Variants in KLRD1 observed in about 807,000 individuals in gnomAD.
The protein encoded by KLRD1 is killer cell lectin like receptor D1.
A neutral mutation model predicts 22.6 loss-of-function variants in KLRD1; 21 were observed. The ratio of observed to expected loss-of-function variants is 0.93; its 90% CI spans 0.66 to 1.34. KLRD1 has a LOEUF of 1.34. KLRD1 is among the 40% of genes most tolerant of loss of function. The pLI, the probability that KLRD1 is intolerant of heterozygous loss-of-function variation, is 0.00. For missense variants in KLRD1, 183 were observed against 208.6 expected, an observed-to-expected ratio of 0.88 and a Z score of 0.76; for synonymous variants, 59 against 71.1, an observed-to-expected ratio of 0.83 and a Z score of 0.85.
chr12:10,242,071 G>GTTTTTTTTTTTTTTTT (rs72326980), intron 1 of KLRD1, among the ~76,000 whole-genome samples: 2 of 99,392 alleles, frequency 2.0e-5, no homozygotes, highest in Non-Finnish European at 3.7e-5. Flanking sequence ...TGTTCTTGCT[G>GTTTTTTTTTTTTTTTT]TTTTTTTTTT....
chr12:10,309,772 G>A (rs1343095477), intron 3 of KLRD1, 84 bp downstream of exon 3: 25 of 916,842 alleles, frequency 2.7e-5, no homozygotes, highest in Non-Finnish European at 4.3e-5. Context: ...AGGCATGATG[G>A]AATATTATAC....
At chr12:10,252,370 G>A (rs1428535793) in intron 1 of KLRD1, among the ~76,000 whole-genome samples, 1 of 152,062 alleles carries the variant, frequency 6.6e-6, no homozygotes, top group Non-Finnish European at 1.5e-5. Flanking sequence ...TGGGCGTGGC[G>A]ATGTGCACCT....
intron 1 of KLRD1, among the ~76,000 whole-genome samples, chr12:10,263,248 A>C (rs7962426): frequency 0.8 from 121,934 of 151,944 alleles, 53,507 homozygotes; most frequent in Non-Finnish European, 0.98. Context: ...ATAATGGTAC[A>C]CTTTCAATCA....
At chr12:10,275,502 C>G (rs2137648587) in intron 1 of KLRD1, among the ~76,000 whole-genome samples, 1 of 152,250 alleles carries the variant, frequency 6.6e-6, no homozygotes, top group South Asian at 2.1e-4. Context: ...ATGTCTGGCT[C>G]CAGAGATACT....
At chr12:10,286,311 T>C (rs1949702200) in intron 1 of KLRD1, among the ~76,000 whole-genome samples, 1 of 152,192 alleles carries the variant, frequency 6.6e-6, no homozygotes, top group African/African-American at 2.4e-5. Context: ...AATGAATAGC[T>C]TATGTCCTAT....
intron 5 of KLRD1, 50 bp downstream of exon 5, chr12:10,313,563 T>C: frequency 9.7e-7 from 1 of 1,034,024 alleles, no homozygotes; most frequent in Non-Finnish European, 1.5e-6. Context: ...AATTTGTCCT[T>C]AAATGTGACT....
Position 10,314,882 on chromosome 12 carries a change from A to G in KLRD1, c.*89A>G. The G allele has an allele frequency of 9.9e-6, 12 of 1,208,196 alleles. No individual in the cohort carries two copies. Among genetic ancestry groups the G allele is most frequent in the Non-Finnish European group, 1.3e-5 (11 of 867,290 alleles). The allele number at this position is 1,208,196 out of a possible 1,614,324, so 74.8% of individuals were successfully genotyped here. A position where few individuals can be genotyped will look rare whatever the true frequency, so the allele number is the denominator to read the frequency against. ...CATGTTATATTATTACTAATTGTCT[A>G]CTTCTGGAGTCTATAAAATGTTTTT... is the stretch of plus-strand genomic sequence containing the variant. On this transcript the variant is annotated 3_prime_UTR_variant, in exon 6 of 6. Transcript: ENST00000336164.
chr12:10,247,914 T>C (rs1949307367), intron 1 of KLRD1, among the ~76,000 whole-genome samples: 1 of 152,198 alleles, frequency 6.6e-6, no homozygotes, highest in African/African-American at 2.4e-5. Flanking sequence ...CTCTTTCCTT[T>C]ACAAATTACC....
upstream of KLRD1, among the ~76,000 whole-genome samples, chr12:10,299,447 A>T (rs1949849253): frequency 6.6e-6 from 1 of 152,194 alleles, no homozygotes; most frequent in African/African-American, 2.4e-5. Flanking sequence ...AGTCACACAA[A>T]TGTTTTGGTT....
chr12:10,280,602 A>G (rs1015506134), intron 1 of KLRD1, among the ~76,000 whole-genome samples: 1 of 152,124 alleles, frequency 6.6e-6, no homozygotes, highest in African/African-American at 2.4e-5. Context: ...GGACCTGAAA[A>G]TGAGGAAGGA....
intron 1 of KLRD1, among the ~76,000 whole-genome samples, chr12:10,241,178 A>C (rs1371885825): frequency 6.6e-6 from 1 of 152,154 alleles, no homozygotes; most frequent in Non-Finnish European, 1.5e-5. Context: ...AAAACGTTGA[A>C]AGTTTAATTC....
intron 1 of KLRD1, among the ~76,000 whole-genome samples, chr12:10,243,913 G>A (rs760905112): frequency 2.6e-4 from 40 of 152,230 alleles, no homozygotes; most frequent in Non-Finnish European, 4.1e-4. Flanking sequence ...ATAAATTGCT[G>A]CAGGTATGCG....
At position 10,326,100 on chromosome 12, in the gene KLRD1, G is replaced by A. The variant is rs922983323; in HGVS notation, c.*11307G>A. On this transcript the variant is annotated 3_prime_UTR_variant, in exon 6 of 6. Coordinates refer to ENST00000336164, the MANE Select transcript of KLRD1 (RefSeq NM_002262.5). ...TCATATGCCCATTGACCCTTTGTAT[G>A]TTTTTTATGAAGAAATGACCATTCA... is the stretch of plus-strand genomic sequence containing the variant. 4.6e-5 allele frequency: 7 copies of A among 151,948 alleles called. No individual in the cohort carries two copies. The highest frequency in any genetic ancestry group is 3.3e-4 in the Admixed American group (5 of 15,244). 9.4% of individuals were successfully genotyped at this position (151,948 alleles called of 1,614,324 possible). A position where few individuals can be genotyped will look rare whatever the true frequency, so the allele number is the denominator to read the frequency against.
intron 4 of KLRD1, 119 bp from the exon 5 acceptor site, chr12:10,313,286 AATAAT>A (rs1440240923): frequency 1.9e-6 from 1 of 522,258 alleles, no homozygotes; most frequent in African/African-American, 1.9e-5. Context: ...GGAAGTTAAA[AATAAT>A]TTCCGTTTGT....
chr12:10,308,949 A>G (rs1437967747), intron 1 of KLRD1: 1 of 154,954 alleles, frequency 6.5e-6, no homozygotes, highest in Non-Finnish European at 1.4e-5. Flanking sequence ...TGAGAAAATA[A>G]CATTATTATT....
At chr12:10,282,616 C>T (rs1949656661) in intron 1 of KLRD1, among the ~76,000 whole-genome samples, 1 of 152,060 alleles carries the variant, frequency 6.6e-6, no homozygotes. Context: ...TGGTATGCCA[C>T]TTTATATTTT....
chr12:10,317,777 T>C lies in KLRD1; in HGVS notation c.*2984T>C, dbSNP rs1451544215. On this transcript the variant is annotated 3_prime_UTR_variant, in exon 6 of 6. Coordinates refer to ENST00000336164, the MANE Select transcript of KLRD1 (RefSeq NM_002262.5). ...AAAGATATACCCAAGACTGGGAAAT[T>C]TATAAAATAAAGACATTTAATTGAC... 6.6e-6 allele frequency: 1 copy of C among 152,196 alleles called. No individual in the cohort carries two copies. The highest frequency in any genetic ancestry group is 2.4e-5 in the African/African-American group (1 of 41,436). 9.4% of individuals were successfully genotyped at this position (152,196 alleles called of 1,614,324 possible).
At chr12:10,289,134 C>T (rs181338865) in intron 1 of KLRD1, among the ~76,000 whole-genome samples, 39 of 152,266 alleles carry the variant, frequency 2.6e-4, no homozygotes, top group Admixed American at 1.1e-3. Flanking sequence ...TGACATTACG[C>T]GGGCTTTGGA....
chr12:10,310,702 T>C (rs1227674225), intron 3 of KLRD1, among the ~76,000 whole-genome samples: 1 of 152,134 alleles, frequency 6.6e-6, no homozygotes, highest in Non-Finnish European at 1.5e-5. Flanking sequence ...TGAGAATCAC[T>C]TGAACCTGGG....
Sources: gnomAD v4.1 joint callset for allele counts (sites outside exome capture counted in the v4.1 genomes callset) on GRCh38, gnomAD v4.1.1 for gene constraint, MANE v1.5 for transcripts, NCBI Gene and HGNC (gene_info 2026-07-23, HGNC 2026-07-21) for gene names.